Variants in BCKDHB observed in about 807,000 individuals in gnomAD.
BCKDHB encodes the protein 2-oxoisovalerate dehydrogenase subunit beta, mitochondrial.
In BCKDHB, 41 loss-of-function variants were observed where a neutral mutation model predicts 48.5. That is an observed-to-expected ratio of 0.85 (90% CI 0.66 to 1.10). The LOEUF (loss-of-function observed/expected upper bound fraction) is 1.10. BCKDHB is among the 50% of genes least tolerant of loss of function. The probability of loss-of-function intolerance (pLI) is 0.00; values close to 1 mark genes in which losing one functional copy is unlikely to be tolerated. For synonymous variants in BCKDHB, 201 were observed against 174.8 expected, an observed-to-expected ratio of 1.15 and a Z score of -1.18; for missense variants, 496 against 494.2, an observed-to-expected ratio of 1.00 and a Z score of -0.03.
chr6:80,171,347 T>C lies in BCKDHB; in HGVS notation c.699T>C (p.Asn233=). 6.2e-7 allele frequency: 1 copy of C among 1,607,874 alleles called. No homozygotes were observed. The highest frequency in any genetic ancestry group is 8.5e-7 in the Non-Finnish European group (1 of 1,177,614). The change falls in exon 6 of 10, where the codon AAT becomes AAC. Residue 233 remains asparagine (N), a synonymous_variant. Coordinates refer to ENST00000320393, the MANE Select transcript of BCKDHB (RefSeq NM_183050.4). ...TTTTGTCATGCATAGAGGATAAAAA[T>C]CCTTGTATATTTTTTGAACCTAAAA... ...GLLLSCIEDK[N]PCIFFEPKIL...
intron 3 of BCKDHB, among the ~76,000 whole-genome samples, chr6:80,153,486 A>G (rs964836116): frequency 6.6e-6 from 1 of 152,010 alleles, no homozygotes; most frequent in African/African-American, 2.4e-5. Context: ...GCCTAGTGAG[A>G]TCTTCCAGCT....
intron 9 of BCKDHB, among the ~76,000 whole-genome samples, chr6:80,337,979 G>A (rs1307824999): frequency 6.6e-6 from 1 of 152,122 alleles, no homozygotes; most frequent in African/African-American, 2.4e-5. Context: ...GTCTATACCA[G>A]CTATATAAGA....
intron 3 of BCKDHB, among the ~76,000 whole-genome samples, chr6:80,166,426 C>T (rs1248697211): frequency 3.3e-5 from 5 of 152,154 alleles, no homozygotes; most frequent in East Asian, 1.9e-4. Flanking sequence ...GAGGTCGAGG[C>T]GGGTGGATCA....
At chr6:80,289,899 C>G (rs989694306) in intron 9 of BCKDHB, among the ~76,000 whole-genome samples, 1 of 152,188 alleles carries the variant, frequency 6.6e-6, no homozygotes, top group Admixed American at 6.5e-5. Context: ...CCCAGCTGAC[C>G]TTCAAGCTAG....
At position 80,270,498 on chromosome 6, in the gene BCKDHB, CA is replaced by C. The variant is rs550299285; in HGVS notation, c.952-2635del. On this transcript the variant is annotated intron_variant, in intron 8 of 9. Transcript: ENST00000320393. ...GTTCCATTTGTTTGTAGACAAGTGG[CA>C]ATTTCCACAAACTCAAAGTGTGATT... Among the ~76,000 whole-genome samples, 476 of 152,184 alleles carry C rather than the reference CA, an allele frequency of 3.1e-3. 2 individuals are homozygous for C. The highest frequency in any genetic ancestry group is 5.3e-3 in the Non-Finnish European group (357 of 67,998).
chr6:80,182,100 A>G (rs1468857287), intron 6 of BCKDHB, among the ~76,000 whole-genome samples: 1 of 152,108 alleles, frequency 6.6e-6, no homozygotes, highest in Non-Finnish European at 1.5e-5. Flanking sequence ...GTAGATTTCT[A>G]TTTTGTTCTT....
At chr6:80,283,019 T>G (rs1348248359) in intron 9 of BCKDHB, among the ~76,000 whole-genome samples, 2 of 152,120 alleles carry the variant, frequency 1.3e-5, no homozygotes, top group Non-Finnish European at 2.9e-5. Flanking sequence ...GGTGGTTACT[T>G]ACTCAGAATT....
chr6:80,205,070 GTC>G (rs1774579381), intron 8 of BCKDHB, among the ~76,000 whole-genome samples: 1 of 151,962 alleles, frequency 6.6e-6, no homozygotes, highest in South Asian at 2.1e-4. Context: ...ATTGCTTTGG[GTC>G]TATTTGAGAC....
intron 9 of BCKDHB, among the ~76,000 whole-genome samples, chr6:80,324,108 C>A (rs548482607): frequency 6.6e-6 from 1 of 152,204 alleles, no homozygotes; most frequent in South Asian, 2.1e-4. Flanking sequence ...TTTCCCCCAC[C>A]CTTTCATCTT....
chr6:80,439,814 G>A, the BCKDHB span, among the ~76,000 whole-genome samples: 1 of 152,180 alleles, frequency 6.6e-6, no homozygotes, highest in Non-Finnish European at 1.5e-5. Context: ...ACCCTCTCTA[G>A]TTAGACTTAA....
intron 8 of BCKDHB, among the ~76,000 whole-genome samples, chr6:80,218,455 ATGTG>A (rs1374264036): frequency 6.6e-6 from 1 of 152,180 alleles, no homozygotes; most frequent in Non-Finnish European, 1.5e-5. Context: ...ACGCACACGT[ATGTG>A]TGTGTTTCAA....
At chr6:80,363,076 T>A in the BCKDHB span, among the ~76,000 whole-genome samples, 1 of 152,196 alleles carries the variant, frequency 6.6e-6, no homozygotes, top group Non-Finnish European at 1.5e-5. Context: ...AGTGCAAGCT[T>A]ACCCACATTT....
At chr6:80,370,719 T>C in the BCKDHB span, among the ~76,000 whole-genome samples, 7 of 151,910 alleles carry the variant, frequency 4.6e-5, no homozygotes, top group African/African-American at 4.8e-5. Flanking sequence ...TGCTGTGAAG[T>C]CATTATTTCA....
At chr6:80,133,717 A>G (rs529733310) in intron 3 of BCKDHB, among the ~76,000 whole-genome samples, 13 of 151,944 alleles carry the variant, frequency 8.6e-5, no homozygotes, top group South Asian at 4.2e-4. Flanking sequence ...ATCACGGCTC[A>G]CTGTAACCTC....
chr6:80,139,081 T>C (rs1771047165), intron 3 of BCKDHB, among the ~76,000 whole-genome samples: 1 of 152,220 alleles, frequency 6.6e-6, no homozygotes, highest in Admixed American at 6.5e-5. Context: ...TCATGTGGTT[T>C]TTGGCTGCAT....
At chr6:80,325,746 G>T (rs1768999622) in intron 9 of BCKDHB, among the ~76,000 whole-genome samples, 1 of 151,966 alleles carries the variant, frequency 6.6e-6, no homozygotes, top group Non-Finnish European at 1.5e-5. Context: ...GTTTAATTTG[G>T]GATTAAAGTT....
At chr6:80,350,589 A>G (rs954101775), downstream of BCKDHB, among the ~76,000 whole-genome samples, 1 of 152,174 alleles carries the variant, frequency 6.6e-6, no homozygotes, top group Non-Finnish European at 1.5e-5. Context: ...GATAAACAAA[A>G]GTCTTCATTA....
the BCKDHB span, among the ~76,000 whole-genome samples, chr6:80,420,072 A>C: frequency 6.6e-6 from 1 of 151,952 alleles, no homozygotes; most frequent in African/African-American, 2.4e-5. Context: ...TTAATTGTCT[A>C]TTTGTGTTCT....
chr6:80,176,454 T>G (rs377746523), intron 6 of BCKDHB, among the ~76,000 whole-genome samples: 2 of 152,142 alleles, frequency 1.3e-5, no homozygotes, highest in East Asian at 1.9e-4. Context: ...TCTTTGATGA[T>G]TCCATGGGGG....
Sources: allele counts gnomAD v4.1 joint callset (sites outside exome capture counted in the v4.1 genomes callset), GRCh38; gene constraint gnomAD v4.1.1; transcripts MANE v1.5; gene names NCBI Gene and HGNC (gene_info 2026-07-23, HGNC 2026-07-21).